NRXN3: variants seen among roughly 807,000 people sequenced by gnomAD.
NRXN3 encodes neurexin 3.
Under a neutral mutation model 137.6 loss-of-function variants are expected in NRXN3, and 32 were observed. The observed-to-expected ratio is 0.23, with a 90% CI of 0.18 to 0.31. The LOEUF (loss-of-function observed/expected upper bound fraction) is 0.31, where lower values mean the gene tolerates loss of function less well. Ranked by LOEUF, NRXN3 falls within the 10% of genes least tolerant of loss-of-function variation. NRXN3 has a pLI of 1.00. For synonymous variants in NRXN3, 798 were observed against 784.5 expected (o/e 1.02, Z -0.29); for missense variants, 1,574 against 2,062.5 (o/e 0.76, Z 4.59).
intron 4 of NRXN3, among the ~76,000 whole-genome samples, chr14:78,513,290 G>T (rs954160740): frequency 6.6e-6 from 1 of 152,144 alleles, no homozygotes; most frequent in Non-Finnish European, 1.5e-5. Flanking sequence ...CTTATTAGAT[G>T]TTAGCTATCA....
At chr14:79,446,765 C>A (rs2096070325) in intron 15 of NRXN3, among the ~76,000 whole-genome samples, 1 of 152,060 alleles carries the variant, frequency 6.6e-6, no homozygotes, top group Non-Finnish European at 1.5e-5. Flanking sequence ...ATAAGCATTT[C>A]TTTTCCTGTT....
intron 10 of NRXN3, among the ~76,000 whole-genome samples, chr14:78,921,277 C>T (rs981757504): frequency 2.0e-5 from 3 of 152,124 alleles, no homozygotes; most frequent in Non-Finnish European, 4.4e-5. Flanking sequence ...GTGCAAGGCA[C>T]GGGGGATACA....
chr14:78,256,935 T>G (rs1465418696), intron 2 of NRXN3, among the ~76,000 whole-genome samples: 3 of 152,210 alleles, frequency 2.0e-5, no homozygotes, highest in African/African-American at 7.2e-5. Flanking sequence ...TCCCCAGGGC[T>G]TGCAGCTTTC....
At chr14:79,703,605 G>A (rs1028017279) in intron 19 of NRXN3, among the ~76,000 whole-genome samples, 11 of 152,012 alleles carry the variant, frequency 7.2e-5, no homozygotes, top group African/African-American at 2.7e-4. Flanking sequence ...CATGATGGCC[G>A]GAGAGAGAAA....
chr14:79,126,964 A>C (rs10136253), intron 15 of NRXN3, among the ~76,000 whole-genome samples: 149,532 of 152,158 alleles, frequency 0.98, 73,527 homozygotes, highest in Middle Eastern at 1. Flanking sequence ...TTGGCTGCAT[A>C]AATGTCTTCT....
intron 19 of NRXN3, among the ~76,000 whole-genome samples, chr14:79,718,955 C>A (rs986927019): frequency 6.6e-6 from 1 of 152,080 alleles, no homozygotes; most frequent in African/African-American, 2.4e-5. Context: ...CCACCTCCAA[C>A]TCTTGATCAG....
At chr14:78,441,956 C>G (rs1043691204) in intron 4 of NRXN3, among the ~76,000 whole-genome samples, 1 of 151,818 alleles carries the variant, frequency 6.6e-6, no homozygotes, top group Non-Finnish European at 1.5e-5. Context: ...ATTAGCCAGG[C>G]GTGGTGGCGG....
Position 79,565,362 on chromosome 14 carries a change from C to CACATATTGTGTGTATATATATATACAT in NRXN3, c.3444+97963_3444+97964insTATTGTGTGTATATATATATACATACA, listed in dbSNP as rs1186066544. Among the ~76,000 whole-genome samples, 19 of 148,070 alleles carry CACATATTGTGTGTATATATATATACAT rather than the reference C, an allele frequency of 1.3e-4. 1 individual carries two copies. Among genetic ancestry groups the CACATATTGTGTGTATATATATATACAT allele is most frequent in the African/African-American group, 4.7e-4 (19 of 40,060 alleles). On this transcript the variant is annotated intron_variant, in intron 16 of 20. Coordinates refer to ENST00000335750, the MANE Select transcript of NRXN3 (RefSeq NM_001330195.2). ...ACATATGTGTGCGTATATGTATACACACACACATATGTATATATATGTAAT... is the reference window on the plus strand; with the variant it reads ...ACATATGTGTGCGTATATGTATACACACATATTGTGTGTATATATATATACATACACACATATGTATATATATGTAAT...
chr14:78,445,282 TCTA>T (rs1302672389), intron 4 of NRXN3, among the ~76,000 whole-genome samples: 1 of 152,216 alleles, frequency 6.6e-6, no homozygotes, highest in Non-Finnish European at 1.5e-5. Context: ...TAGTTCTTGA[TCTA>T]CTAGCTCTGC....
At chr14:79,231,312 C>T (rs1025181810) in intron 15 of NRXN3, among the ~76,000 whole-genome samples, 1 of 152,074 alleles carries the variant, frequency 6.6e-6, no homozygotes, top group African/African-American at 2.4e-5. Context: ...TGATTAGTTT[C>T]CTAATAGTCA....
intron 8 of NRXN3, among the ~76,000 whole-genome samples, chr14:78,741,396 G>A (rs1236306021): frequency 1.3e-5 from 2 of 152,140 alleles, no homozygotes; most frequent in Non-Finnish European, 2.9e-5. Context: ...AGCAAACTAT[G>A]AAAACCTCAC....
chr14:78,637,743 A>G (rs2097579512), intron 4 of NRXN3, among the ~76,000 whole-genome samples: 1 of 152,240 alleles, frequency 6.6e-6, no homozygotes, highest in Admixed American at 6.5e-5. Flanking sequence ...GTGCCCTGTT[A>G]ACATGAATCC....
chr14:79,072,730 A>T (rs922691905), intron 15 of NRXN3, among the ~76,000 whole-genome samples: 1 of 152,124 alleles, frequency 6.6e-6, no homozygotes, highest in African/African-American at 2.4e-5. Context: ...AAAACTGTAA[A>T]ATGCTTGCTG....
At chr14:79,845,572 G>C (rs899739074) in intron 20 of NRXN3, among the ~76,000 whole-genome samples, 1 of 120,768 alleles carries the variant, frequency 8.3e-6, no homozygotes, top group African/African-American at 3.1e-5. Flanking sequence ...GAGAGAGAGA[G>C]ACCGACCCAG....
intron 19 of NRXN3, among the ~76,000 whole-genome samples, chr14:79,747,698 C>T (rs2098983835): frequency 6.6e-6 from 1 of 152,002 alleles, no homozygotes; most frequent in Admixed American, 6.6e-5. Context: ...TTTTAAGAAC[C>T]AGTTTTCTAA....
At chr14:78,510,035 A>G (rs913418313) in intron 4 of NRXN3, among the ~76,000 whole-genome samples, 2 of 115,874 alleles carry the variant, frequency 1.7e-5, no homozygotes, top group Non-Finnish European at 3.5e-5. Flanking sequence ...GAACATGACA[A>G]AATTTTATAT....
intron 19 of NRXN3, among the ~76,000 whole-genome samples, chr14:79,721,666 A>G (rs909120960): frequency 3.9e-5 from 6 of 152,186 alleles, no homozygotes; most frequent in Admixed American, 3.3e-4. Context: ...GGCTATAGAT[A>G]TTTGAAAGTG....
At chr14:79,664,338 G>A (rs1322809426) in intron 17 of NRXN3, among the ~76,000 whole-genome samples, 3 of 152,064 alleles carry the variant, frequency 2.0e-5, no homozygotes, top group African/African-American at 2.4e-5. Context: ...CCATTTAGTC[G>A]GATGCAGTTG....
At chr14:78,549,052 C>A (rs1309995071) in intron 4 of NRXN3, among the ~76,000 whole-genome samples, 2 of 152,238 alleles carry the variant, frequency 1.3e-5, no homozygotes, top group African/African-American at 4.8e-5. Context: ...CTCTTTCCCC[C>A]TTTCTGACAT....
Sources: gnomAD v4.1 joint callset for allele counts (sites outside exome capture counted in the v4.1 genomes callset) on GRCh38, gnomAD v4.1.1 for gene constraint, MANE v1.5 for transcripts, NCBI Gene and HGNC (gene_info 2026-07-23, HGNC 2026-07-21) for gene names.